Variants in PRELID2 observed in about 807,000 individuals in gnomAD.
PRELID2 encodes PRELI domain containing 2.
PRELID2 carries 25 observed loss-of-function variants against 28.4 expected under a neutral mutation model. The ratio of observed to expected loss-of-function variants is 0.88; its 90% confidence interval spans 0.64 to 1.23. The LOEUF is 1.23. Ranked by LOEUF, PRELID2 falls within the 50% of genes most tolerant of loss-of-function variation. The pLI is 0.00. For synonymous variants in PRELID2, 76 were observed against 71.6 expected (o/e 1.06, Z -0.31); for missense variants, 201 against 214.4 (o/e 0.94, Z 0.39).
the PRELID2 span, among the ~76,000 whole-genome samples, chr5:145,322,981 A>AAATAAATG: frequency 3.3e-5 from 5 of 152,130 alleles, no homozygotes; most frequent in East Asian, 7.7e-4. Flanking sequence ...CTCCGTCTCT[A>AAATAAATG]AATAAATGAA....
At chr5:145,434,012 T>C in the PRELID2 span, among the ~76,000 whole-genome samples, 1 of 152,158 alleles carries the variant, frequency 6.6e-6, no homozygotes, top group Non-Finnish European at 1.5e-5. Context: ...AGGGGAGGCA[T>C]AGATTGCATG....
intron 1 of PRELID2, among the ~76,000 whole-genome samples, chr5:145,553,699 T>A (rs1580975927): frequency 6.6e-6 from 1 of 152,340 alleles, no homozygotes; most frequent in East Asian, 1.9e-4. Context: ...TAGTTTTATA[T>A]AATATAGTGG....
intron 1 of PRELID2, among the ~76,000 whole-genome samples, chr5:145,831,392 T>G (rs12655088): frequency 0.16 from 23,869 of 152,226 alleles, 2,102 homozygotes; most frequent in African/African-American, 0.22. Flanking sequence ...AACTGTGAGC[T>G]TATGGAGTGG....
At chr5:145,400,018 A>G in the PRELID2 span, among the ~76,000 whole-genome samples, 1 of 152,140 alleles carries the variant, frequency 6.6e-6, no homozygotes, top group Non-Finnish European at 1.5e-5. Context: ...CAGCCAAACC[A>G]TATTATCTCC....
chr5:145,268,375 A>G, the PRELID2 span, among the ~76,000 whole-genome samples: 3 of 152,122 alleles, frequency 2.0e-5, no homozygotes, highest in Non-Finnish European at 4.4e-5. Context: ...TACTTTTCCC[A>G]GCACCATTTA....
Position 145,686,380 on chromosome 5 carries a change from T to C in PRELID2, n.70+78551A>G, listed in dbSNP as rs961373665. 1.1e-4 allele frequency among the ~76,000 whole-genome samples: 16 copies of C among 152,260 alleles called. No individual in the cohort carries two copies. The South Asian group carries it at 2.7e-3, about 26-fold the overall frequency. ...TAAACAGTCTAACAATATGTATGCC[T>C]TCTCATTAATAAGATGCATAATAGA... is the stretch of plus-strand genomic sequence containing the variant. On this transcript the variant is annotated intron_variant and non_coding_transcript_variant, in intron 1 of 2. Coordinates refer to the PRELID2 transcript ENST00000510259.
At chr5:145,441,626 T>G in the PRELID2 span, among the ~76,000 whole-genome samples, 6 of 152,146 alleles carry the variant, frequency 3.9e-5, no homozygotes, top group Non-Finnish European at 8.8e-5. Flanking sequence ...ATGAACTTAA[T>G]GGATATGGGC....
At chr5:145,483,512 C>G (rs1752185493) in intron 1 of PRELID2, among the ~76,000 whole-genome samples, 1 of 152,230 alleles carries the variant, frequency 6.6e-6, no homozygotes, top group African/African-American at 2.4e-5. Context: ...AATCAATCCA[C>G]AGACTCATGA....
Position 145,705,610 on chromosome 5 carries a change from T to C in PRELID2, n.70+59321A>G, listed in dbSNP as rs186552160. ...AATAGTTAGGCTACCAAAATAGAAATTGTTTATACCGGGGTCAACAAATAC... is the reference window on the plus strand; with the variant it reads ...AATAGTTAGGCTACCAAAATAGAAACTGTTTATACCGGGGTCAACAAATAC... On this transcript the variant is annotated intron_variant and non_coding_transcript_variant, in intron 1 of 2. Transcript: ENST00000510259. 3.4e-3 allele frequency among the ~76,000 whole-genome samples: 514 copies of C among 152,272 alleles called. 4 individuals are homozygous for C. Among genetic ancestry groups the C allele is most frequent in the African/African-American group, 0.012 (503 of 41,554 alleles).
chr5:145,659,404 T>G (rs1252722525), intron 1 of PRELID2, among the ~76,000 whole-genome samples: 1 of 152,242 alleles, frequency 6.6e-6, no homozygotes, highest in Non-Finnish European at 1.5e-5. Flanking sequence ...ATAATTCCAT[T>G]TTAAGGCAGA....
chr5:145,330,508 G>A, the PRELID2 span, among the ~76,000 whole-genome samples: 2 of 152,104 alleles, frequency 1.3e-5, no homozygotes, highest in African/African-American at 2.4e-5. Flanking sequence ...TTGGGAGAGC[G>A]TATGTGTCCA....
chr5:145,298,608 T>C, the PRELID2 span, among the ~76,000 whole-genome samples: 1 of 152,126 alleles, frequency 6.6e-6, no homozygotes, highest in African/African-American at 2.4e-5. Context: ...CTTATGTCTC[T>C]TGGCCCTTCC....
the PRELID2 span, among the ~76,000 whole-genome samples, chr5:145,431,342 T>G: frequency 6.6e-6 from 1 of 152,148 alleles, no homozygotes; most frequent in Admixed American, 6.6e-5. Context: ...ACATATTGAA[T>G]AAACTAGGAA....
chr5:145,573,499 T>C (rs1479790894), intron 1 of PRELID2, among the ~76,000 whole-genome samples: 1 of 152,010 alleles, frequency 6.6e-6, no homozygotes, highest in East Asian at 1.9e-4. Context: ...CCCTCCCCTT[T>C]CCTCTGCCCG....
intron 1 of PRELID2, among the ~76,000 whole-genome samples, chr5:145,741,187 T>C (rs1200732980): frequency 2.6e-4 from 26 of 98,756 alleles, no homozygotes; most frequent in African/African-American, 1.1e-3. Flanking sequence ...TTATATATAA[T>C]ATATACTATA....
intron 5 of PRELID2, among the ~76,000 whole-genome samples, chr5:145,780,671 T>C (rs965591006): frequency 1.6e-4 from 25 of 152,314 alleles, no homozygotes; most frequent in African/African-American, 5.5e-4. Context: ...TTTTTAAATT[T>C]TGAACTATTT....
chr5:145,820,101 GTTTT>G, intron 2 of PRELID2, 83 bp from the exon 3 acceptor site: 5 of 745,530 alleles, frequency 6.7e-6, no homozygotes, highest in Middle Eastern at 3.0e-4. Flanking sequence ...CGGGGGTGGG[GTTTT>G]TTTGTTTTTT....
the PRELID2 span, among the ~76,000 whole-genome samples, chr5:145,402,252 G>A: frequency 6.6e-6 from 1 of 152,090 alleles, no homozygotes; most frequent in Non-Finnish European, 1.5e-5. Context: ...AGCAAAACTG[G>A]CTTTTCTTGA....
At chr5:145,348,389 C>T in the PRELID2 span, among the ~76,000 whole-genome samples, 3 of 152,062 alleles carry the variant, frequency 2.0e-5, no homozygotes, top group Non-Finnish European at 4.4e-5. Flanking sequence ...TGAAGCCAAC[C>T]TTATAGTCCC....
Sources: gnomAD v4.1 joint callset for allele counts (sites outside exome capture counted in the v4.1 genomes callset) on GRCh38, gnomAD v4.1.1 for gene constraint, MANE v1.5 for transcripts, NCBI Gene and HGNC (gene_info 2026-07-23, HGNC 2026-07-21) for gene names.